The following TMEM117 variants were observed in gnomAD, a reference collection of about 807,000 sequenced individuals.
TMEM117 encodes the protein transmembrane protein 117.
TMEM117 carries 27 observed loss-of-function variants against 52.4 expected under a neutral mutation model. The observed-to-expected ratio is 0.51, with a 90% CI of 0.38 to 0.71. The LOEUF (loss-of-function observed/expected upper bound fraction) is 0.71. TMEM117 is among the 30% of genes least tolerant of loss of function. The pLI is 0.00. For synonymous variants in TMEM117, 215 were observed against 206.3 expected (o/e 1.04, Z -0.36); for missense variants, 556 against 630.5 (o/e 0.88, Z 1.26).
intron 3 of TMEM117, among the ~76,000 whole-genome samples, chr12:44,135,644 GA>G (rs1413325223): frequency 6.6e-6 from 1 of 151,990 alleles, no homozygotes; most frequent in Non-Finnish European, 1.5e-5. Flanking sequence ...AGAAGAAAGG[GA>G]AGAAGAAGGA....
At chr12:44,192,909 T>G (rs1439349811) in intron 4 of TMEM117, among the ~76,000 whole-genome samples, 1 of 152,180 alleles carries the variant, frequency 6.6e-6, no homozygotes, top group Non-Finnish European at 1.5e-5. Context: ...ATAAATATAT[T>G]GTAGGTCCTA....
chr12:44,280,118 T>A (rs1347295863), intron 5 of TMEM117, among the ~76,000 whole-genome samples: 7 of 152,184 alleles, frequency 4.6e-5, no homozygotes, highest in African/African-American at 1.7e-4. Flanking sequence ...CTGAAAAAAT[T>A]CATTCATCGC....
At chr12:44,190,536 C>G (rs748684851) in intron 4 of TMEM117, among the ~76,000 whole-genome samples, 1 of 151,946 alleles carries the variant, frequency 6.6e-6, no homozygotes, top group Non-Finnish European at 1.5e-5. Flanking sequence ...AACTTCAGGT[C>G]TAGACAAATG....
At chr12:43,881,268 G>T (rs1048781864) in intron 2 of TMEM117, among the ~76,000 whole-genome samples, 33 of 152,260 alleles carry the variant, frequency 2.2e-4, no homozygotes, top group African/African-American at 7.9e-4. Flanking sequence ...CAGAGATGAA[G>T]GGAAATTAGA....
At chr12:44,119,765 A>G (rs1029161094) in intron 3 of TMEM117, among the ~76,000 whole-genome samples, 2 of 152,194 alleles carry the variant, frequency 1.3e-5, no homozygotes, top group African/African-American at 4.8e-5. Flanking sequence ...TTTGCTTTTC[A>G]TCAGCTTAAT....
At chr12:43,841,594 G>A (rs1457271369) in intron 1 of TMEM117, among the ~76,000 whole-genome samples, 2 of 152,134 alleles carry the variant, frequency 1.3e-5, no homozygotes, top group Non-Finnish European at 2.9e-5. Context: ...AGCCCACGAA[G>A]CAAGTTTCCG....
At chr12:43,995,555 T>C (rs1421320967) in intron 3 of TMEM117, among the ~76,000 whole-genome samples, 3 of 152,190 alleles carry the variant, frequency 2.0e-5, no homozygotes, top group Non-Finnish European at 4.4e-5. Context: ...GTCAATAGTT[T>C]TTGGGGAACA....
At chr12:44,056,570 A>G (rs1439012977) in intron 3 of TMEM117, among the ~76,000 whole-genome samples, 1 of 152,196 alleles carries the variant, frequency 6.6e-6, no homozygotes, top group Admixed American at 6.5e-5. Flanking sequence ...TTTGAAAAAA[A>G]TGTGTCAACT....
At chr12:43,979,329 C>T (rs1170039505) in intron 3 of TMEM117, among the ~76,000 whole-genome samples, 1 of 152,038 alleles carries the variant, frequency 6.6e-6, no homozygotes, top group Non-Finnish European at 1.5e-5. Flanking sequence ...GTACTGGCTC[C>T]ACTGGGGCTG....
chr12:44,120,253 T>TCCCGA (rs1306544605), intron 3 of TMEM117, among the ~76,000 whole-genome samples: 139 of 152,352 alleles, frequency 9.1e-4, no homozygotes, highest in Non-Finnish European at 1.9e-4. Context: ...TCTTCTATTC[T>TCCCGA]TAATTTTGGG....
chr12:44,074,701 G>C (rs1235558719), intron 3 of TMEM117, among the ~76,000 whole-genome samples: 1 of 152,028 alleles, frequency 6.6e-6, no homozygotes, highest in Non-Finnish European at 1.5e-5. Context: ...GGCAGTTCTG[G>C]TCTAAAGCAA....
intron 2 of TMEM117, among the ~76,000 whole-genome samples, chr12:43,906,135 A>G (rs1242931187): frequency 6.6e-6 from 1 of 152,174 alleles, no homozygotes; most frequent in East Asian, 1.9e-4. Context: ...TACTTGTGCA[A>G]TACATTTTAG....
intron 4 of TMEM117, among the ~76,000 whole-genome samples, chr12:44,197,946 G>T (rs911407609): frequency 5.9e-5 from 9 of 152,156 alleles, no homozygotes; most frequent in African/African-American, 2.2e-4. Flanking sequence ...AAAAGCTGTA[G>T]AATACATTCC....
At position 43,909,238 on chromosome 12, in the gene TMEM117, G is replaced by T. The variant is rs201066998; in HGVS notation, c.278-34972G>T. 7.9e-3 allele frequency among the ~76,000 whole-genome samples: 454 copies of T among 57,404 alleles called. 19 individuals are homozygous for T. Among genetic ancestry groups the T allele is most frequent in the African/African-American group, 0.014 (428 of 29,698 alleles). The allele number at this position is 57,404 out of a possible 152,430, so 37.7% of individuals were successfully genotyped here. On this transcript the variant is annotated intron_variant, in intron 2 of 7. Coordinates refer to ENST00000266534, the MANE Select transcript of TMEM117 (RefSeq NM_032256.3). ...ACATGGAAACTGAACAACCTGCTCC[G>T]GAATGACTACTGGGTACATAACGAA...
At chr12:44,169,041 C>T (rs1051474283) in intron 4 of TMEM117, among the ~76,000 whole-genome samples, 2 of 152,148 alleles carry the variant, frequency 1.3e-5, no homozygotes, top group African/African-American at 2.4e-5. Context: ...GAATTTCCTT[C>T]CTTTTTAAGG....
intron 2 of TMEM117, among the ~76,000 whole-genome samples, chr12:43,896,661 T>C (rs1247197170): frequency 6.6e-6 from 1 of 152,140 alleles, no homozygotes; most frequent in African/African-American, 2.4e-5. Context: ...TATACATGCT[T>C]TTGACATTTT....
chr12:44,115,531 T>C (rs1166505944), intron 3 of TMEM117, among the ~76,000 whole-genome samples: 1 of 149,834 alleles, frequency 6.7e-6, no homozygotes, highest in Non-Finnish European at 1.5e-5. Context: ...AAGACTCAAA[T>C]AGTATGGGAT....
rs181264386 is a variant in TMEM117 at position 43,875,844 on chromosome 12, C to G, written c.277+30916C>G. On this transcript the variant is annotated intron_variant, in intron 2 of 7. Coordinates refer to ENST00000266534, the MANE Select transcript of TMEM117 (RefSeq NM_032256.3). ...TGTCCTACTCACTCTTCTCTCTTCC[C>G]CATTATATATTACGTTTTTTTTTCC... Among the ~76,000 whole-genome samples the G allele has an allele frequency of 2.3e-4, 35 of 152,198 alleles. 1 individual carries two copies. In the East Asian group the frequency reaches 6.8e-3, roughly 29 times the overall value.
At chr12:43,806,313 A>G in the TMEM117 span, 1,963 of 1,410,782 alleles carry the variant, frequency 1.4e-3, 1 homozygote, top group Non-Finnish European at 1.7e-3. Flanking sequence ...CGGCCCCAGG[A>G]AGTGGCTGCT....
Sources: allele counts gnomAD v4.1 joint callset (sites outside exome capture counted in the v4.1 genomes callset), GRCh38; gene constraint gnomAD v4.1.1; transcripts MANE v1.5; gene names NCBI Gene and HGNC (gene_info 2026-07-23, HGNC 2026-07-21).